Variants in BBS9 observed in about 807,000 individuals in gnomAD.
BBS9 encodes the protein Bardet-Biedl syndrome 9, also known as protein PTHB1.
Under a neutral mutation model 117.7 loss-of-function variants are expected in BBS9, and 89 were observed. The observed-to-expected ratio is 0.76, with a 90% CI of 0.64 to 0.90. The LOEUF is 0.90. Ranked by LOEUF, BBS9 falls within the 40% of genes least tolerant of loss-of-function variation. BBS9 has a pLI of 0.00. For missense variants in BBS9, 982 were observed against 1,042.2 expected, an observed-to-expected ratio of 0.94 and a Z score of 0.80; for synonymous variants, 379 against 370.9, an observed-to-expected ratio of 1.02 and a Z score of -0.25.
At chr7:33,568,411 C>T (rs1475285681) in intron 21 of BBS9, among the ~76,000 whole-genome samples, 1 of 152,152 alleles carries the variant, frequency 6.6e-6, no homozygotes, top group Non-Finnish European at 1.5e-5. Context: ...GTAACCCTAT[C>T]GCTTACCCCT....
At chr7:33,404,284 T>C (rs1045279947) in intron 19 of BBS9, among the ~76,000 whole-genome samples, 5 of 152,156 alleles carry the variant, frequency 3.3e-5, no homozygotes, top group African/African-American at 1.2e-4. Context: ...GCATGATGCC[T>C]CCAGCTTTGT....
At chr7:33,263,080 T>C (rs888675607) in intron 6 of BBS9, among the ~76,000 whole-genome samples, 3 of 136,124 alleles carry the variant, frequency 2.2e-5, no homozygotes, top group African/African-American at 8.4e-5. Context: ...ATGAATGAAA[T>C]TTATATATAT....
At chr7:33,290,193 G>A (rs1334520851) in intron 9 of BBS9, among the ~76,000 whole-genome samples, 4 of 152,182 alleles carry the variant, frequency 2.6e-5, no homozygotes, top group Non-Finnish European at 5.9e-5. Context: ...ACTAATGATG[G>A]AGCAAGCAAA....
intron 5 of BBS9, among the ~76,000 whole-genome samples, chr7:33,204,278 G>A (rs1463002678): frequency 6.7e-6 from 1 of 149,444 alleles, no homozygotes; most frequent in Non-Finnish European, 1.5e-5. Flanking sequence ...GTGGTGGCGA[G>A]TACCTGTAAT....
intron 19 of BBS9, among the ~76,000 whole-genome samples, chr7:33,492,848 G>GTGTA (rs1488425072): frequency 5.7e-5 from 8 of 141,502 alleles, no homozygotes; most frequent in Admixed American, 2.2e-4. Context: ...GTGTGTGTGT[G>GTGTA]TGTGTGTATG....
At chr7:33,207,589 CA>C (rs1314619110) in intron 5 of BBS9, among the ~76,000 whole-genome samples, 1 of 151,104 alleles carries the variant, frequency 6.6e-6, no homozygotes, top group East Asian at 1.9e-4. Flanking sequence ...TAAGATGTTC[CA>C]GGCTAATCTG....
At chr7:33,565,746 G>T (rs1415169488) in intron 21 of BBS9, among the ~76,000 whole-genome samples, 4 of 130,272 alleles carry the variant, frequency 3.1e-5, no homozygotes, top group Non-Finnish European at 6.4e-5. Flanking sequence ...TGAAGGCAGA[G>T]CCCAGATCAA....
chr7:33,276,415 A>G (rs1009282982), intron 9 of BBS9, among the ~76,000 whole-genome samples: 6 of 152,212 alleles, frequency 3.9e-5, no homozygotes, highest in Non-Finnish European at 8.8e-5. Context: ...ACAGAACACC[A>G]CAACTATATT....
At position 33,604,866 on chromosome 7, in the gene BBS9, T is replaced by C. The variant is rs1367504561; in HGVS notation, c.2523T>C (p.Gly841=). ...ATATTGTTTGTATTTTTCAACTAGG[T>C]GGTTGTACTACAATCCCAGAGTCAG... The part of the protein sequence containing the change: ...AAAPQTMVMP[G]GCTTIPESDL... The change falls in exon 22 of 23, where the codon GGT becomes GGC. Residue 841 remains glycine (G), a splice_region_variant and synonymous_variant. Coordinates refer to ENST00000242067, the MANE Select transcript of BBS9 (RefSeq NM_198428.3). 1 of 1,603,000 alleles carries C rather than the reference T, an allele frequency of 6.2e-7. No individual in the cohort carries two copies. The highest frequency in any genetic ancestry group is 1.3e-5 in the African/African-American group (1 of 74,778).
chr7:33,332,327 A>C (rs1172875106), intron 9 of BBS9, among the ~76,000 whole-genome samples: 1 of 152,210 alleles, frequency 6.6e-6, no homozygotes, highest in Non-Finnish European at 1.5e-5. Flanking sequence ...CTTAAATCTA[A>C]AACCTGAAGT....
intron 5 of BBS9, among the ~76,000 whole-genome samples, chr7:33,206,744 G>T (rs1787006942): frequency 6.6e-6 from 1 of 151,966 alleles, no homozygotes; most frequent in South Asian, 2.1e-4. Context: ...TTCTAATTTT[G>T]TCAATTGGTC....
At chr7:33,546,188 C>T (rs1439610994) in intron 21 of BBS9, among the ~76,000 whole-genome samples, 1 of 152,054 alleles carries the variant, frequency 6.6e-6, no homozygotes, top group Non-Finnish European at 1.5e-5. Context: ...CCACCTCGGC[C>T]TCCCAAAGTG....
intron 5 of BBS9, chr7:33,177,851 TA>T (rs762943878): frequency 2.1e-4 from 81 of 384,740 alleles, no homozygotes; most frequent in African/African-American, 1.0e-3. Flanking sequence ...ATCAAAATAA[TA>T]AAAAAAAACC....
chr7:33,544,824 A>G (rs1246831484), intron 21 of BBS9, among the ~76,000 whole-genome samples: 2 of 151,920 alleles, frequency 1.3e-5, no homozygotes, highest in African/African-American at 4.8e-5. Flanking sequence ...TCGGGGTGGG[A>G]CTAGGTGTGT....
intron 19 of BBS9, among the ~76,000 whole-genome samples, chr7:33,489,803 G>T (rs1843656056): frequency 6.6e-6 from 1 of 152,086 alleles, no homozygotes; most frequent in African/African-American, 2.4e-5. Context: ...TATCACTCAT[G>T]AACGCTTCCA....
intron 21 of BBS9, among the ~76,000 whole-genome samples, chr7:33,627,238 G>A (rs1865686423): frequency 6.6e-6 from 1 of 152,248 alleles, no homozygotes; most frequent in African/African-American, 2.4e-5. Context: ...GAGGGTGCAA[G>A]CTGTAAGCTT....
At chr7:33,214,873 CA>C (rs967551818) in intron 5 of BBS9, among the ~76,000 whole-genome samples, 4 of 152,108 alleles carry the variant, frequency 2.6e-5, no homozygotes, top group Admixed American at 2.6e-4. Context: ...CAAAAGACTC[CA>C]AATAGCCAAA....
At chr7:33,583,314 T>A (rs1189453224) in intron 21 of BBS9, among the ~76,000 whole-genome samples, 2 of 152,104 alleles carry the variant, frequency 1.3e-5, no homozygotes, top group Non-Finnish European at 2.9e-5. Context: ...GATAGATCCA[T>A]GATAGATAGA....
At chr7:33,466,727 G>A (rs1840215997) in intron 19 of BBS9, among the ~76,000 whole-genome samples, 1 of 152,094 alleles carries the variant, frequency 6.6e-6, no homozygotes, top group Non-Finnish European at 1.5e-5. Context: ...AGGATAAATG[G>A]CAGTTGAAGA....
Sources: allele counts gnomAD v4.1 joint callset (sites outside exome capture counted in the v4.1 genomes callset), GRCh38; gene constraint gnomAD v4.1.1; transcripts MANE v1.5; gene names NCBI Gene and HGNC (gene_info 2026-07-23, HGNC 2026-07-21).